The following ATP6V0E1 variants were observed in gnomAD, a reference collection of about 807,000 sequenced individuals.
ATP6V0E1 encodes ATPase H+ transporting V0 subunit e1, also known as V-type proton ATPase subunit e 1.
Under a neutral mutation model 11.6 loss-of-function variants are expected in ATP6V0E1, and 4 were observed. The observed-to-expected ratio is 0.35, with a 90% CI of 0.17 to 0.79. ATP6V0E1 has a LOEUF of 0.79. ATP6V0E1 is among the 30% of genes least tolerant of loss of function. The probability of loss-of-function intolerance (pLI) is 0.54; values close to 1 mark genes in which losing one functional copy is unlikely to be tolerated. For missense variants in ATP6V0E1, 105 were observed against 100.0 expected, an observed-to-expected ratio of 1.05 and a Z score of -0.21; for synonymous variants, 36 against 34.8, an observed-to-expected ratio of 1.04 and a Z score of -0.13.
intron 2 of ATP6V0E1, among the ~76,000 whole-genome samples, chr5:173,007,224 C>T (rs889616392): frequency 2.6e-5 from 4 of 152,208 alleles, no homozygotes; most frequent in African/African-American, 9.7e-5. Context: ...TTCTGCCCAT[C>T]TCGGCCTCCC....
intron 2 of ATP6V0E1, among the ~76,000 whole-genome samples, chr5:172,999,685 T>C (rs1334252633): frequency 6.6e-6 from 1 of 152,204 alleles, no homozygotes; most frequent in Admixed American, 6.6e-5. Context: ...CCTCTTGCTG[T>C]CTAGACATTA....
rs757582443 is a variant in ATP6V0E1 at position 173,008,386 on chromosome 5, C to T, written c.153-11852C>T. ...TCAATCTTGGCTCACTGCAACGCTC[C>T]GCCTCCTGGGTTCAAGCAAGTCTTC... On this transcript the variant is annotated intron_variant, in intron 2 of 3. Transcript: ENST00000519374. Among the ~76,000 whole-genome samples, 24 of 149,360 alleles carry T rather than the reference C, an allele frequency of 1.6e-4. 1 individual carries two copies. Among genetic ancestry groups the T allele is most frequent in the African/African-American group, 5.4e-4 (22 of 40,814 alleles).
intron 1 of ATP6V0E1, among the ~76,000 whole-genome samples, chr5:172,985,470 G>T (rs1755883799): frequency 6.6e-6 from 1 of 152,110 alleles, no homozygotes; most frequent in East Asian, 1.9e-4. Flanking sequence ...GAGGTTGATG[G>T]ACAGAGTCAG....
At chr5:172,997,761 C>T (rs1328820865) in intron 2 of ATP6V0E1, among the ~76,000 whole-genome samples, 1 of 150,044 alleles carries the variant, frequency 6.7e-6, no homozygotes, top group Non-Finnish European at 1.5e-5. Flanking sequence ...TGCAGTGAGC[C>T]GAGATTGCAC....
At chr5:172,996,891 A>T (rs780842812) in intron 2 of ATP6V0E1, among the ~76,000 whole-genome samples, 10 of 152,122 alleles carry the variant, frequency 6.6e-5, no homozygotes, top group Non-Finnish European at 1.3e-4. Flanking sequence ...ACTGAAATCA[A>T]AGAGAAATAG....
At chr5:172,998,523 A>T (rs1331474065) in intron 2 of ATP6V0E1, among the ~76,000 whole-genome samples, 1 of 151,420 alleles carries the variant, frequency 6.6e-6, no homozygotes, top group East Asian at 1.9e-4. Context: ...AGGCAGGAGA[A>T]TTGCTTGAAC....
At chr5:172,993,424 T>C (rs373561841) in intron 1 of ATP6V0E1, among the ~76,000 whole-genome samples, 1 of 152,052 alleles carries the variant, frequency 6.6e-6, no homozygotes, top group East Asian at 1.9e-4. Context: ...GAGAATCGCT[T>C]GAACCTGAGA....
At chr5:173,016,597 T>G (rs2113603705) in intron 2 of ATP6V0E1, among the ~76,000 whole-genome samples, 1 of 152,338 alleles carries the variant, frequency 6.6e-6, no homozygotes, top group South Asian at 2.1e-4. Flanking sequence ...TAATGGATTT[T>G]TTTAGTATTT....
At chr5:173,032,570 C>T (rs575383728) in intron 3 of ATP6V0E1, among the ~76,000 whole-genome samples, 3 of 152,174 alleles carry the variant, frequency 2.0e-5, no homozygotes, top group Admixed American at 1.3e-4. Context: ...GGATTACAGA[C>T]GTGAGCCACT....
intron 2 of ATP6V0E1, among the ~76,000 whole-genome samples, chr5:173,010,684 T>C (rs1756307822): frequency 6.6e-6 from 1 of 152,216 alleles, no homozygotes; most frequent in Non-Finnish European, 1.5e-5. Context: ...TTCTGCTGTC[T>C]CTTAAGGAGC....
intron 3 of ATP6V0E1, among the ~76,000 whole-genome samples, chr5:173,024,276 A>G (rs1039489671): frequency 6.6e-6 from 1 of 151,774 alleles, no homozygotes. Context: ...TAATTCTTTT[A>G]ATTTTCATAG....
chr5:173,000,335 AACAT>A (rs1218360084), intron 2 of ATP6V0E1, among the ~76,000 whole-genome samples: 1 of 152,190 alleles, frequency 6.6e-6, no homozygotes, highest in Non-Finnish European at 1.5e-5. Flanking sequence ...TTGTCTCTTA[AACAT>A]ACAATCTTGT....
chr5:172,997,088 A>G (rs1756077883), intron 2 of ATP6V0E1, among the ~76,000 whole-genome samples: 2 of 152,192 alleles, frequency 1.3e-5, no homozygotes, highest in South Asian at 4.1e-4. Context: ...TGGTAAAAAC[A>G]GTAGGTTTTA....
intron 1 of ATP6V0E1, among the ~76,000 whole-genome samples, chr5:172,992,492 A>G (rs969008680): frequency 5.9e-5 from 9 of 152,040 alleles, no homozygotes; most frequent in African/African-American, 2.2e-4. Context: ...TTTGAACTCC[A>G]GGTACCCTCT....
chr5:172,992,373 G>A (rs901252521), intron 1 of ATP6V0E1, among the ~76,000 whole-genome samples: 2 of 152,076 alleles, frequency 1.3e-5, no homozygotes, highest in African/African-American at 2.4e-5. Context: ...TTCACTCAGA[G>A]TCAAAGCCTT....
At chr5:172,985,891 G>A (rs1027572790) in intron 1 of ATP6V0E1, among the ~76,000 whole-genome samples, 10 of 152,216 alleles carry the variant, frequency 6.6e-5, no homozygotes, top group Non-Finnish European at 1.2e-4. Flanking sequence ...TAAACAGATG[G>A]TACAGCCTAC....
At chr5:173,005,793 A>G (rs113255956) in intron 2 of ATP6V0E1, among the ~76,000 whole-genome samples, 2,247 of 152,280 alleles carry the variant, frequency 0.015, 68 homozygotes, top group African/African-American at 0.051. Flanking sequence ...ATTTTGATAA[A>G]GTGTATTTTC....
intron 1 of ATP6V0E1, chr5:172,986,716 A>T: frequency 2.2e-6 from 1 of 453,946 alleles, no homozygotes; most frequent in South Asian, 1.5e-5. Flanking sequence ...GAAGCCCCTG[A>T]AACAGCCCAA....
intron 3 of ATP6V0E1, among the ~76,000 whole-genome samples, chr5:173,029,875 C>G (rs151328975): frequency 2.0e-5 from 3 of 152,316 alleles, no homozygotes; most frequent in African/African-American, 7.2e-5. Context: ...CCTCCCCAGT[C>G]TGCCTTCCTT....
Sources: gnomAD v4.1 joint callset for allele counts (sites outside exome capture counted in the v4.1 genomes callset) on GRCh38, gnomAD v4.1.1 for gene constraint, MANE v1.5 for transcripts, NCBI Gene and HGNC (gene_info 2026-07-23, HGNC 2026-07-21) for gene names.